ACAD10: variants seen among roughly 807,000 people sequenced by gnomAD.
The protein encoded by ACAD10 is acyl-CoA dehydrogenase family member 10, also known as ACAD-10.
A neutral mutation model predicts 116.8 loss-of-function variants in ACAD10; 112 were observed. The ratio of observed to expected loss-of-function variants is 0.96; its 90% CI spans 0.82 to 1.12. The LOEUF is 1.12. ACAD10 is among the 50% of genes most tolerant of loss of function. ACAD10 has a pLI of 0.00. For missense variants in ACAD10, 1,259 were observed against 1,350.2 expected, an observed-to-expected ratio of 0.93 and a Z score of 1.06; for synonymous variants, 486 against 510.6, an observed-to-expected ratio of 0.95 and a Z score of 0.65.
intron 5 of ACAD10, among the ~76,000 whole-genome samples, chr12:111,712,259 T>G (rs1215530943): frequency 6.6e-6 from 1 of 152,158 alleles, no homozygotes; most frequent in Non-Finnish European, 1.5e-5. Flanking sequence ...TATGTTCAAG[T>G]GCTATGTCTT....
chr12:111,736,072 G>T (rs139199444), intron 11 of ACAD10, among the ~76,000 whole-genome samples: 3 of 151,842 alleles, frequency 2.0e-5, no homozygotes, highest in African/African-American at 4.8e-5. Context: ...TAGAGACAGG[G>T]TCTTCACCAT....
At chr12:111,686,769 G>A (rs1289147720) in intron 1 of ACAD10, among the ~76,000 whole-genome samples, 1 of 152,186 alleles carries the variant, frequency 6.6e-6, no homozygotes, top group Non-Finnish European at 1.5e-5. Flanking sequence ...TAGTGCTGCA[G>A]TTAGACCGGG....
intron 7 of ACAD10, among the ~76,000 whole-genome samples, chr12:111,718,724 C>T (rs558526362): frequency 6.6e-6 from 1 of 152,190 alleles, no homozygotes; most frequent in African/African-American, 2.4e-5. Flanking sequence ...GGTGATCCGC[C>T]TGCCTTGGCT....
At chr12:111,733,162 G>C (rs920554787) in intron 10 of ACAD10, among the ~76,000 whole-genome samples, 1 of 152,050 alleles carries the variant, frequency 6.6e-6, no homozygotes, top group Non-Finnish European at 1.5e-5. Context: ...TCATAGGCTG[G>C]AACATAACTC....
In ACAD10 at chr12:111,757,050, G is replaced by C; in HGVS notation, c.*577G>C. 2 of 357,686 alleles carry C rather than the reference G, an allele frequency of 5.6e-6. No individual in the cohort carries two copies. The highest frequency in any genetic ancestry group is 4.1e-5 in the South Asian group (2 of 48,554). 22.2% of individuals were successfully genotyped at this position (357,686 alleles called of 1,614,324 possible). On this transcript the variant is annotated 3_prime_UTR_variant, in exon 21 of 21. Coordinates refer to ENST00000313698, the MANE Select transcript of ACAD10 (RefSeq NM_025247.6). ...AGAACAATCATTTAAATGTTATTTT[G>C]GAAAGGGGTTTTGGGGACACAGAAG...
In ACAD10 at chr12:111,753,809, A is replaced by G. The variant is rs1166273630; in HGVS notation, c.2855A>G (p.Glu952Gly). The G allele has an allele frequency of 6.2e-7, 1 of 1,613,978 alleles. No homozygotes were observed. The highest frequency in any genetic ancestry group is 1.1e-5 in the South Asian group (1 of 91,086). Residue 952 changes from glutamate to glycine, a missense_variant, in exon 19 of 21, where the codon GAG becomes GGG. Coordinates refer to ENST00000313698, the MANE Select transcript of ACAD10 (RefSeq NM_025247.6). ...SRLAFGKPLV[E>G]QGTVLADIAQ... ...TTGGCTTTTGGGAAGCCCCTGGTGG[A>G]GCAGGGCACAGTGCTGGCGGACATC...
At position 111,709,585 on chromosome 12, in the gene ACAD10, C is replaced by G; in HGVS notation, c.591C>G (p.Cys197Trp). The change falls in exon 5 of 21, where the codon TGC (cysteine) becomes TGG (tryptophan). Residue 197 changes from cysteine to tryptophan, a missense_variant. Coordinates refer to ENST00000313698, the MANE Select transcript of ACAD10 (RefSeq NM_025247.6). ...CAGACCCTAGGATCTACAAGCTGTG[C>G]TTGGAGCAGCTCGGCCTGCAGCCCT... ...CKPDPRIYKL[C>W]LEQLGLQPSE... is the part of the protein sequence containing the mutation. The G allele has an allele frequency of 6.2e-7, 1 of 1,613,868 alleles. No homozygotes were observed. Among genetic ancestry groups the G allele is most frequent in the East Asian group, 2.2e-5 (1 of 44,860 alleles).
intron 11 of ACAD10, 151 bp from the exon 12 acceptor site, chr12:111,736,680 C>G: frequency 1.4e-6 from 1 of 715,556 alleles, no homozygotes; most frequent in Non-Finnish European, 2.2e-6. Flanking sequence ...TCTAAGGGAG[C>G]AAGAGCCAAT....
intron 19 of ACAD10, among the ~76,000 whole-genome samples, chr12:111,754,876 T>G (rs991532192): frequency 6.6e-6 from 1 of 152,250 alleles, no homozygotes; most frequent in Non-Finnish European, 1.5e-5. Flanking sequence ...GACAGCCACA[T>G]TCTGCCAGCA....
In ACAD10 at chr12:111,697,235, C is replaced by T. The variant is rs184122204; in HGVS notation, c.187+4339C>T. Among the ~76,000 whole-genome samples, 97 of 151,456 alleles carry T rather than the reference C, an allele frequency of 6.4e-4. 2 individuals are homozygous for T. In the East Asian group the frequency reaches 0.017, roughly 26 times the overall value. Reference sequence around the variant, plus strand: ...CAGCCTGGGTGACAGATCAAGACTCCGTCTTGGGAGAAAAAAAAAATTGAA... The same window carrying T: ...CAGCCTGGGTGACAGATCAAGACTCTGTCTTGGGAGAAAAAAAAAATTGAA... On this transcript the variant is annotated intron_variant, in intron 2 of 20. Transcript: ENST00000313698.
intron 4 of ACAD10, among the ~76,000 whole-genome samples, chr12:111,707,154 A>G (rs149820343): frequency 0.016 from 2,343 of 150,664 alleles, 71 homozygotes; most frequent in African/African-American, 0.054. Context: ...CAGTGGCGCA[A>G]TCTCAGCTCA....
intron 6 of ACAD10, 34 bp downstream of exon 6, chr12:111,712,691 C>G (rs376863710): frequency 3.7e-6 from 6 of 1,604,452 alleles, no homozygotes; most frequent in Non-Finnish European, 3.4e-6. Context: ...TGGTAGCTCT[C>G]TCCAAGGCGA....
In ACAD10 at chr12:111,733,962, G is replaced by A; in HGVS notation, c.1434G>A (p.Val478=). 2 of 1,614,236 alleles carry A rather than the reference G, an allele frequency of 1.2e-6. No individual in the cohort carries two copies. The highest frequency in any genetic ancestry group is 1.3e-5 in the African/African-American group (1 of 75,064). Residue 478 remains valine (V), a synonymous_variant, in exon 11 of 21, where the codon GTG becomes GTA. Transcript: ENST00000313698. Reference sequence around the variant, plus strand: ...TGTTTCATCCAGAAGAGCCAGAGGTGCTTGCTGTCCTTGACTGGGAACTTT... The same window carrying A: ...TGTTTCATCCAGAAGAGCCAGAGGTACTTGCTGTCCTTGACTGGGAACTTT... The part of the protein sequence containing the change: ...NLVFHPEEPE[V]LAVLDWELST...
chr12:111,755,739 G>A lies in ACAD10; in HGVS notation c.3033G>A (p.Ala1011=), dbSNP rs966374357. 1.2e-5 allele frequency: 20 copies of A among 1,613,500 alleles called. No homozygotes were observed. Among genetic ancestry groups the A allele is most frequent in the Admixed American group, 1.2e-4 (7 of 59,928 alleles). The change falls in exon 20 of 21, where the codon GCG becomes GCA. Residue 1011 remains alanine, a synonymous_variant. Transcript: ENST00000313698. The part of the protein sequence containing the change: ...PSMASRVIDR[A]IQAFGAAGLS... Reference sequence around the variant, plus strand: ...TGGCCTCCCGAGTGATTGATCGTGCGATTCAGGTGAGCACAGACCAGACAG... The same window carrying A: ...TGGCCTCCCGAGTGATTGATCGTGCAATTCAGGTGAGCACAGACCAGACAG...
In ACAD10 at chr12:111,747,394, C is replaced by T; in HGVS notation, c.2485+9C>T. On this transcript the variant is annotated intron_variant, in intron 16 of 20. Coordinates refer to ENST00000313698, the MANE Select transcript of ACAD10 (RefSeq NM_025247.6). ...CAAATGGTGGATCACAGGTATTTGG[C>T]CTAAAATGCACTTTCCAAATGCACA... 1 of 1,613,922 alleles carries T rather than the reference C, an allele frequency of 6.2e-7. No homozygotes were observed. Among genetic ancestry groups the T allele is most frequent in the Non-Finnish European group, 8.5e-7 (1 of 1,179,832 alleles).
At chr12:111,736,185 GTT>G (rs35268951) in intron 11 of ACAD10, among the ~76,000 whole-genome samples, 6 of 97,746 alleles carry the variant, frequency 6.1e-5, no homozygotes, top group African/African-American at 7.9e-5. Flanking sequence ...CCAGCCAATT[GTT>G]TTTTTTTTTT....
At chr12:111,705,605 G>T in intron 3 of ACAD10, 133 bp from the exon 4 acceptor site, 1 of 780,952 alleles carries the variant, frequency 1.3e-6, no homozygotes, top group Non-Finnish European at 2.1e-6. Flanking sequence ...CCTGCAGGCA[G>T]CAAGCTATGA....
chr12:111,691,486 G>A (rs1011182789), intron 1 of ACAD10, among the ~76,000 whole-genome samples: 1 of 152,104 alleles, frequency 6.6e-6, no homozygotes, highest in Non-Finnish European at 1.5e-5. Context: ...GTGGAACAGA[G>A]CATTGCAGAG....
intron 8 of ACAD10, among the ~76,000 whole-genome samples, chr12:111,727,265 C>T (rs774713555): frequency 2.8e-4 from 42 of 150,254 alleles, no homozygotes; most frequent in South Asian, 6.3e-4. Context: ...TGGCTCACGC[C>T]TATAATCCCA....
Sources: allele counts gnomAD v4.1 joint callset (sites outside exome capture counted in the v4.1 genomes callset), GRCh38; gene constraint gnomAD v4.1.1; transcripts MANE v1.5; gene names NCBI Gene and HGNC (gene_info 2026-07-23, HGNC 2026-07-21).